Variants in PTPRR observed in about 807,000 individuals in gnomAD.
The protein encoded by PTPRR is protein tyrosine phosphatase receptor type R, also known as receptor-type tyrosine-protein phosphatase R.
PTPRR carries 38 observed loss-of-function variants against 77.2 expected under a neutral mutation model. That is an observed-to-expected ratio of 0.49 (90% CI 0.38 to 0.65). The LOEUF is 0.65. Ranked by LOEUF, PTPRR falls within the 30% of genes least tolerant of loss-of-function variation. The pLI is 0.00. For synonymous variants in PTPRR, 299 were observed against 283.1 expected (o/e 1.06, Z -0.57); for missense variants, 744 against 799.2 (o/e 0.93, Z 0.83).
Position 70,736,756 on chromosome 12 carries a change from G to C in PTPRR, c.1007+9062C>G, listed in dbSNP as rs555288750. Among the ~76,000 whole-genome samples, 177 of 152,290 alleles carry C rather than the reference G, an allele frequency of 1.2e-3. 1 individual carries two copies. Among genetic ancestry groups the C allele is most frequent in the African/African-American group, 4.0e-3 (166 of 41,554 alleles). ...TTTTATGTTTATAAGCCCTCATGTTGTCAGGCTGAGCAACTGAGTCATGGT... is the reference window on the plus strand; with the variant it reads ...TTTTATGTTTATAAGCCCTCATGTTCTCAGGCTGAGCAACTGAGTCATGGT... On this transcript the variant is annotated intron_variant, in intron 6 of 13. Transcript: ENST00000283228.
At chr12:70,664,202 T>G (rs1886896890) in intron 10 of PTPRR, 1 of 152,186 alleles carries the variant, frequency 6.6e-6, no homozygotes, top group African/African-American at 2.4e-5. Context: ...CCAAAAGACT[T>G]ACTCTGGCTG....
At chr12:70,893,938 C>A (rs1893381501) in intron 1 of PTPRR, among the ~76,000 whole-genome samples, 1 of 151,810 alleles carries the variant, frequency 6.6e-6, no homozygotes, top group Admixed American at 6.6e-5. Flanking sequence ...TTTATTTCTT[C>A]TGTTAGATAA....
At chr12:70,739,485 G>A (rs568828710) in intron 6 of PTPRR, among the ~76,000 whole-genome samples, 43 of 152,240 alleles carry the variant, frequency 2.8e-4, no homozygotes, top group African/African-American at 9.1e-4. Context: ...AGAAACAGAC[G>A]AGATCTTCAG....
At chr12:70,706,024 GA>G (rs1007733164) in intron 6 of PTPRR, among the ~76,000 whole-genome samples, 21 of 139,782 alleles carry the variant, frequency 1.5e-4, no homozygotes, top group African/African-American at 5.1e-4. Flanking sequence ...TACTTAAACA[GA>G]ATGAAAAAGG....
intron 13 of PTPRR, among the ~76,000 whole-genome samples, chr12:70,645,500 C>T (rs1555244285): frequency 6.6e-6 from 1 of 152,132 alleles, no homozygotes; most frequent in Non-Finnish European, 1.5e-5. Flanking sequence ...TCAATTGGGT[C>T]ACCTTTCACT....
chr12:70,905,562 T>A (rs1024253931), intron 1 of PTPRR, among the ~76,000 whole-genome samples: 2 of 151,982 alleles, frequency 1.3e-5, no homozygotes, highest in Non-Finnish European at 2.9e-5. Context: ...AATTGCACAG[T>A]TGAAATTGAA....
chr12:70,719,483 AT>A lies in PTPRR; in HGVS notation c.1008-18161del, dbSNP rs11361258. ...CTTGACAACCCCTTGACTAAATTACATTAGTAATATAGTTCCTAACAATTTC... is the reference window on the plus strand; with the variant it reads ...CTTGACAACCCCTTGACTAAATTACATAGTAATATAGTTCCTAACAATTTC... On this transcript the variant is annotated intron_variant, in intron 6 of 13. Coordinates refer to ENST00000283228, the MANE Select transcript of PTPRR (RefSeq NM_002849.4). Among the ~76,000 whole-genome samples, 1,186 of 152,146 alleles carry A rather than the reference AT, an allele frequency of 7.8e-3. 24 individuals carry two copies. The highest frequency in any genetic ancestry group is 0.027 in the African/African-American group (1,103 of 41,482).
intron 2 of PTPRR, among the ~76,000 whole-genome samples, chr12:70,816,337 T>C (rs1019583419): frequency 6.6e-6 from 1 of 152,014 alleles, no homozygotes; most frequent in Admixed American, 6.6e-5. Context: ...TTTAAACAGG[T>C]CTATGTACTA....
chr12:70,865,935 C>A (rs1287176104), intron 2 of PTPRR, among the ~76,000 whole-genome samples: 1 of 152,114 alleles, frequency 6.6e-6, no homozygotes, highest in African/African-American at 2.4e-5. Context: ...TAAAGAAATA[C>A]TGGGTAGATA....
At chr12:70,845,369 T>C (rs1281056455) in intron 2 of PTPRR, among the ~76,000 whole-genome samples, 5 of 152,164 alleles carry the variant, frequency 3.3e-5, no homozygotes, top group Admixed American at 3.3e-4. Context: ...TGAACCATAC[T>C]AGGGATTGCA....
chr12:70,668,497 C>T (rs969575752), intron 10 of PTPRR, among the ~76,000 whole-genome samples: 4 of 152,112 alleles, frequency 2.6e-5, no homozygotes, highest in African/African-American at 9.7e-5. Flanking sequence ...TTTGTTGAAC[C>T]TTCTAGATTA....
intron 6 of PTPRR, among the ~76,000 whole-genome samples, chr12:70,714,942 G>A (rs1182361757): frequency 7.9e-5 from 12 of 152,220 alleles, no homozygotes; most frequent in African/African-American, 2.2e-4. Context: ...CCGTGATCAC[G>A]CTACTGCACT....
At chr12:70,652,461 T>C (rs1309132029) in intron 13 of PTPRR, among the ~76,000 whole-genome samples, 1 of 152,114 alleles carries the variant, frequency 6.6e-6, no homozygotes, top group East Asian at 1.9e-4. Context: ...GGAAAGACCT[T>C]TCAAAGGAAG....
At chr12:70,829,310 G>T (rs114940533) in intron 2 of PTPRR, among the ~76,000 whole-genome samples, 3 of 151,982 alleles carry the variant, frequency 2.0e-5, no homozygotes, top group African/African-American at 7.2e-5. Flanking sequence ...TTCCTGGAAG[G>T]AAGATTGAAA....
chr12:70,715,069 C>T (rs978920582), intron 6 of PTPRR, among the ~76,000 whole-genome samples: 2 of 151,990 alleles, frequency 1.3e-5, no homozygotes, highest in African/African-American at 4.8e-5. Context: ...GGGAACCTGC[C>T]CCGATAGTCA....
At chr12:70,871,626 G>A (rs1892960014) in intron 2 of PTPRR, among the ~76,000 whole-genome samples, 2 of 151,930 alleles carry the variant, frequency 1.3e-5, no homozygotes, top group African/African-American at 4.8e-5. Flanking sequence ...AATTATATGG[G>A]GACTGTCTCA....
intron 12 of PTPRR, among the ~76,000 whole-genome samples, chr12:70,658,022 T>C (rs942515416): frequency 3.9e-5 from 6 of 152,324 alleles, no homozygotes; most frequent in Non-Finnish European, 8.8e-5. Context: ...TCAAAACCTA[T>C]AGATGGCTCC....
chr12:70,832,165 T>C (rs1323990673), intron 2 of PTPRR, among the ~76,000 whole-genome samples: 1 of 152,202 alleles, frequency 6.6e-6, no homozygotes, highest in Admixed American at 6.5e-5. Context: ...TGTGATGCAT[T>C]AACAAATGAT....
intron 10 of PTPRR, among the ~76,000 whole-genome samples, 167 bp from the exon 11 acceptor site, chr12:70,662,772 G>C (rs577459552): frequency 4.0e-5 from 6 of 151,812 alleles, no homozygotes; most frequent in African/African-American, 1.4e-4. Context: ...TAAATCTTAA[G>C]CAGCTAGATT....
Sources: gnomAD v4.1 joint callset for allele counts (sites outside exome capture counted in the v4.1 genomes callset) on GRCh38, gnomAD v4.1.1 for gene constraint, MANE v1.5 for transcripts, NCBI Gene and HGNC (gene_info 2026-07-23, HGNC 2026-07-21) for gene names.